The following PRICKLE2 variants were observed in gnomAD, a reference collection of about 807,000 sequenced individuals.
PRICKLE2 encodes prickle planar cell polarity protein 2.
Under a neutral mutation model 81.4 loss-of-function variants are expected in PRICKLE2, and 21 were observed. That is an observed-to-expected ratio of 0.26 (90% CI 0.18 to 0.37). The LOEUF (loss-of-function observed/expected upper bound fraction) is 0.37, where lower values mean the gene tolerates loss of function less well. Ranked by LOEUF, PRICKLE2 falls within the 10% of genes least tolerant of loss-of-function variation. The pLI is 1.00. For synonymous variants in PRICKLE2, 456 were observed against 421.5 expected, an observed-to-expected ratio of 1.08 and a Z score of -1.00; for missense variants, 940 against 1,109.0, an observed-to-expected ratio of 0.85 and a Z score of 2.16.
chr3:64,176,383 T>C (rs2078022651), intron 2 of PRICKLE2, among the ~76,000 whole-genome samples: 1 of 152,244 alleles, frequency 6.6e-6, no homozygotes, highest in African/African-American at 2.4e-5. Context: ...TTTTAAATCA[T>C]TGTTTTTGAT....
chr3:64,177,357 G>C (rs1186931998), intron 2 of PRICKLE2, among the ~76,000 whole-genome samples: 1 of 151,594 alleles, frequency 6.6e-6, no homozygotes, highest in African/African-American at 2.4e-5. Context: ...GGCTGGTCTC[G>C]AACTCCTGAC....
At chr3:64,237,097 T>C (rs60496134) in intron 2 of PRICKLE2, among the ~76,000 whole-genome samples, 11 of 152,224 alleles carry the variant, frequency 7.2e-5, no homozygotes, top group African/African-American at 1.9e-4. Context: ...TGAGCACTTA[T>C]GGGCAATCGG....
At chr3:64,199,071 C>T (rs955909794) in intron 1 of PRICKLE2, 104 bp from the exon 2 acceptor site, 1 of 1,043,988 alleles carries the variant, frequency 9.6e-7, no homozygotes, top group Non-Finnish European at 1.4e-6. Flanking sequence ...TAAACACATT[C>T]CTTGGCAATG....
chr3:64,225,217 C>T lies in PRICKLE2; in HGVS notation c.-348G>A. On this transcript the variant is annotated 5_prime_UTR_variant, in exon 1 of 8. Coordinates refer to ENST00000638394, the MANE Select transcript of PRICKLE2 (RefSeq NM_198859.4). ...GACTTCTACTCTTCCTCTAGATCAG[C>T]CTGAGTGCTCAGATCGCCTTCCGGA... 1.0e-6 allele frequency: 1 copy of T among 985,470 alleles called. No homozygotes were observed. The highest frequency in any genetic ancestry group is 1.7e-5 in the African/African-American group (1 of 57,330). The allele number at this position is 985,470 out of a possible 1,614,324, so 61.0% of individuals were successfully genotyped here.
chr3:64,157,213 A>G lies in PRICKLE2; in HGVS notation c.549T>C (p.Cys183=). The part of the protein sequence containing the change: ...IYFYQDGKIY[C]GRHHAECLKP... ...TCAGGCACTCAGCATGGTGCCTGCC[A>G]CAGTATATCTTCCCATCTTGGTAAA... is the stretch of plus-strand genomic sequence containing the variant. The change falls in exon 5 of 8, where the codon TGT becomes TGC. Residue 183 remains cysteine (C), a synonymous_variant. Coordinates refer to ENST00000638394, the MANE Select transcript of PRICKLE2 (RefSeq NM_198859.4). The G allele has an allele frequency of 6.2e-7, 1 of 1,614,246 alleles. No homozygotes were observed. Among genetic ancestry groups the G allele is most frequent in the South Asian group, 1.1e-5 (1 of 91,084 alleles).
intron 2 of PRICKLE2, among the ~76,000 whole-genome samples, chr3:64,242,355 T>C (rs2079279388): frequency 6.6e-6 from 1 of 152,188 alleles, no homozygotes; most frequent in South Asian, 2.1e-4. Context: ...CTTAGGAGTG[T>C]TTCCATGAAG....
intron 7 of PRICKLE2, among the ~76,000 whole-genome samples, chr3:64,118,315 C>A (rs2106962976): frequency 6.6e-6 from 1 of 152,202 alleles, no homozygotes; most frequent in Middle Eastern, 3.4e-3. Flanking sequence ...ACACCAAAAG[C>A]AATTGCGACA....
chr3:64,138,024 A>C (rs1189294519), intron 7 of PRICKLE2, among the ~76,000 whole-genome samples: 1 of 152,126 alleles, frequency 6.6e-6, no homozygotes, highest in Non-Finnish European at 1.5e-5. Context: ...TCTCCAGAAA[A>C]CCATAGCTGA....
rs2106936008 is a variant in PRICKLE2, at chr3:64,099,836, A to T, written c.1750T>A (p.Ser584Thr). The T allele has an allele frequency of 6.2e-7, 1 of 1,614,212 alleles. No individual in the cohort carries two copies. Among genetic ancestry groups the T allele is most frequent in the Non-Finnish European group, 8.5e-7 (1 of 1,180,032 alleles). Residue 584 changes from serine to threonine, a missense_variant, in exon 8 of 8, where the codon TCT becomes ACT. By Grantham distance (58) the Ser-to-Thr change is moderately conservative. Coordinates refer to ENST00000638394, the MANE Select transcript of PRICKLE2 (RefSeq NM_198859.4). This position sits in a 1 kb window ranked among gnomAD's most constrained non-coding sequence, Gnocchi z 4.3. ...GTGCCCATGTTGCTCAGCTTCTCAG[A>T]CACATTCATTCCAGAGTCTTTGCTG... ...DLSKDSGMNV[S>T]EKLSNMGTLN...
At chr3:64,184,285 C>T (rs945497867) in intron 2 of PRICKLE2, among the ~76,000 whole-genome samples, 2 of 152,098 alleles carry the variant, frequency 1.3e-5, no homozygotes, top group Non-Finnish European at 2.9e-5. Flanking sequence ...GAAAGAATGA[C>T]CTCAACAAGG....
intron 7 of PRICKLE2, chr3:64,146,607 G>A: frequency 1.9e-6 from 1 of 530,236 alleles, no homozygotes; most frequent in Non-Finnish European, 3.4e-6. Context: ...GCCAGGCATG[G>A]TGGCGGGCAC....
chr3:64,140,977 G>T (rs1333327162), intron 7 of PRICKLE2, among the ~76,000 whole-genome samples: 2 of 152,144 alleles, frequency 1.3e-5, no homozygotes, highest in African/African-American at 2.4e-5. Context: ...CTTTGCAGTT[G>T]ATCACACCTG....
chr3:64,116,440 G>A (rs974289519), intron 7 of PRICKLE2, among the ~76,000 whole-genome samples: 13 of 151,742 alleles, frequency 8.6e-5, no homozygotes, highest in Admixed American at 8.5e-4. Flanking sequence ...TAATAAAATA[G>A]ATAGACCACT....
intron 7 of PRICKLE2, among the ~76,000 whole-genome samples, chr3:64,136,768 G>GAAGGTC (rs1038583843): frequency 6.6e-6 from 1 of 152,096 alleles, no homozygotes; most frequent in African/African-American, 2.4e-5. Context: ...GTCAAGGTAG[G>GAAGGTC]AAGGTCAAGG....
intron 2 of PRICKLE2, among the ~76,000 whole-genome samples, chr3:64,235,768 A>G (rs2079171863): frequency 6.6e-6 from 1 of 152,178 alleles, no homozygotes. Context: ...GATCTGATGA[A>G]AGCTGGGTTC....
intron 1 of PRICKLE2, among the ~76,000 whole-genome samples, chr3:64,219,453 G>A (rs1223747252): frequency 6.6e-6 from 1 of 152,186 alleles, no homozygotes; most frequent in Non-Finnish European, 1.5e-5. Context: ...AATTCCCTAT[G>A]TTCCCTGTAG....
In PRICKLE2 at chr3:64,231,366, T is replaced by C. The variant is rs114634426; in HGVS notation, c.129-32399A>G. Among the ~76,000 whole-genome samples, 1,467 of 152,278 alleles carry C rather than the reference T, an allele frequency of 9.6e-3. 26 individuals carry two copies. The highest frequency in any genetic ancestry group is 0.033 in the African/African-American group (1,375 of 41,558). On this transcript the variant is annotated intron_variant, in intron 2 of 8. Transcript: ENST00000295902. ...TAAACTGACATGATGTGCTAGCAAA[T>C]GGTTTTTCCTTAGACAAAGAAAGCT... is the stretch of plus-strand genomic sequence containing the variant.
At chr3:64,172,062 C>T (rs2077941570) in intron 2 of PRICKLE2, among the ~76,000 whole-genome samples, 2 of 152,156 alleles carry the variant, frequency 1.3e-5, no homozygotes, top group South Asian at 4.1e-4. Context: ...TCTTTCCAAC[C>T]CTGTTTATTA....
intron 2 of PRICKLE2, among the ~76,000 whole-genome samples, chr3:64,267,002 A>C (rs2079720266): frequency 6.6e-6 from 1 of 151,778 alleles, no homozygotes. Context: ...GCTTAGGTAC[A>C]CACAAGTGAA....
Sources: gnomAD v4.1 joint callset for allele counts (sites outside exome capture counted in the v4.1 genomes callset) on GRCh38, gnomAD v4.1.1 for gene constraint, Gnocchi (gnomAD v3.1) non-coding constraint, MANE v1.5 for transcripts, NCBI Gene and HGNC (gene_info 2026-07-23, HGNC 2026-07-21) for gene names.